Variants in PCDHA8 observed in about 807,000 individuals in gnomAD.
PCDHA8 encodes protocadherin alpha 8, also known as protocadherin alpha-8.
Under a neutral mutation model 61.8 loss-of-function variants are expected in PCDHA8, and 53 were observed. The observed-to-expected ratio is 0.86, with a 90% confidence interval of 0.69 to 1.08. PCDHA8 has a LOEUF of 1.08. Among genes scored for constraint, PCDHA8 ranks in the 50% least tolerant of loss-of-function variants. PCDHA8 has a pLI of 0.00. For synonymous variants in PCDHA8, 618 were observed against 556.6 expected, an observed-to-expected ratio of 1.11 and a Z score of -1.55; for missense variants, 1,293 against 1,245.0, an observed-to-expected ratio of 1.04 and a Z score of -0.58.
In PCDHA8 at chr5:140,870,085, C is replaced by G. The variant is rs200687541; in HGVS notation, c.2394+26370C>G. The stretch of plus-strand genomic sequence containing the variant: ...ACAGGCTACAGATAAGGGGACTCCC[C>G]CAATGGCAGGTCACTGTACAGTCTG... On this transcript the variant is annotated intron_variant, in intron 1 of 3. Coordinates refer to ENST00000531613, the MANE Select transcript of PCDHA8 (RefSeq NM_018911.3). 11 of 1,613,744 alleles carry G rather than the reference C, an allele frequency of 6.8e-6. No individual in the cohort carries two copies. The African/African-American group carries it at 1.3e-4, about 20-fold the overall frequency.
intron 1 of PCDHA8, chr5:140,870,529 G>A (rs2052113654): frequency 6.2e-7 from 1 of 1,614,096 alleles, no homozygotes. Context: ...CATCTTCACA[G>A]TGTCGGCGCG....
In PCDHA8 at chr5:140,940,501, C is replaced by T. The variant is rs542798581; in HGVS notation, c.2395-38448C>T. Among the ~76,000 whole-genome samples, 272 of 152,010 alleles carry T rather than the reference C, an allele frequency of 1.8e-3. 2 individuals are homozygous for T. The highest frequency in any genetic ancestry group is 6.1e-3 in the African/African-American group (254 of 41,464). Reference sequence around the variant, plus strand: ...TTTTTCAAGACAAGTCTTGCTCCGTCGCTCAGGCGTGATCATAGCTCACTG... The same window carrying T: ...TTTTTCAAGACAAGTCTTGCTCCGTTGCTCAGGCGTGATCATAGCTCACTG... On this transcript the variant is annotated intron_variant, in intron 1 of 3. Coordinates refer to ENST00000531613, the MANE Select transcript of PCDHA8 (RefSeq NM_018911.3).
At chr5:140,877,881 G>T (rs782565949) in intron 1 of PCDHA8, 73 of 1,468,602 alleles carry the variant, frequency 5.0e-5, no homozygotes, top group Non-Finnish European at 5.9e-5. Flanking sequence ...TTTCCTTGAA[G>T]AACTTCCGTT....
chr5:140,852,046 T>C, intron 1 of PCDHA8: 1 of 917,334 alleles, frequency 1.1e-6, no homozygotes, highest in South Asian at 5.0e-5. Flanking sequence ...TTTTGTTATG[T>C]GGTTTATATT....
intron 3 of PCDHA8, among the ~76,000 whole-genome samples, chr5:140,995,889 A>G (rs1007675217): frequency 1.3e-5 from 2 of 152,202 alleles, no homozygotes; most frequent in African/African-American, 4.8e-5. Context: ...CTTCAGATTT[A>G]TCAATGTATA....
At chr5:140,961,083 T>C (rs1470868954) in intron 1 of PCDHA8, among the ~76,000 whole-genome samples, 1 of 152,198 alleles carries the variant, frequency 6.6e-6, no homozygotes, top group Non-Finnish European at 1.5e-5. Context: ...ATCAAGTAAT[T>C]GTTGACTTTT....
At chr5:141,004,843 A>G (rs2098184369) in intron 3 of PCDHA8, among the ~76,000 whole-genome samples, 1 of 152,230 alleles carries the variant, frequency 6.6e-6, no homozygotes, top group African/African-American at 2.4e-5. Context: ...CAAAGTCATT[A>G]GTCTCAGAGA....
intron 1 of PCDHA8, chr5:140,876,095 T>G (rs781801828): frequency 6.2e-7 from 1 of 1,613,928 alleles, no homozygotes; most frequent in Admixed American, 1.7e-5. Context: ...ACGCCAAAAC[T>G]CAATTTATTG....
At chr5:140,863,299 G>A (rs868935823) in intron 1 of PCDHA8, 1 of 1,462,780 alleles carries the variant, frequency 6.8e-7, no homozygotes, top group Admixed American at 1.8e-5. Context: ...CCTGATCATC[G>A]CCATCTGCGT....
intron 3 of PCDHA8, among the ~76,000 whole-genome samples, chr5:140,988,382 T>C (rs2097295449): frequency 6.6e-6 from 1 of 152,148 alleles, no homozygotes; most frequent in African/African-American, 2.4e-5. Flanking sequence ...TGAAACTCAT[T>C]GTGTTTGCCA....
At chr5:140,925,826 G>T (rs1284588733) in intron 1 of PCDHA8, among the ~76,000 whole-genome samples, 3 of 152,066 alleles carry the variant, frequency 2.0e-5, no homozygotes, top group Non-Finnish European at 2.9e-5. Flanking sequence ...CTTCTTTGGG[G>T]ACGGGTCGTC....
chr5:140,966,042 G>T (rs1554228004), intron 1 of PCDHA8, among the ~76,000 whole-genome samples: 1 of 152,152 alleles, frequency 6.6e-6, no homozygotes, highest in Admixed American at 6.5e-5. Context: ...AGTTCCCATC[G>T]CCAGTAACCC....
Position 140,858,148 on chromosome 5 carries a change from C to T in PCDHA8, c.2394+14433C>T, listed in dbSNP as rs189442889. The T allele has an allele frequency of 6.1e-4, 978 of 1,597,640 alleles. 22 individuals are homozygous for T. In the East Asian group the frequency reaches 0.021, roughly 34 times the overall value. On this transcript the variant is annotated intron_variant, in intron 1 of 3. Coordinates refer to ENST00000531613, the MANE Select transcript of PCDHA8 (RefSeq NM_018911.3). ...TGGATGTCAACGTGTACCTGATCAT[C>T]GCCATCTGCGCGGTGTCCAGCTTGC...
At chr5:140,885,581 G>A (rs984552337) in intron 1 of PCDHA8, among the ~76,000 whole-genome samples, 5 of 152,098 alleles carry the variant, frequency 3.3e-5, no homozygotes, top group African/African-American at 1.2e-4. Flanking sequence ...ATGTGGAATT[G>A]ATGCATCAAA....
At chr5:140,964,548 G>C (rs1468417797) in intron 1 of PCDHA8, among the ~76,000 whole-genome samples, 1 of 152,102 alleles carries the variant, frequency 6.6e-6, no homozygotes, top group East Asian at 1.9e-4. Context: ...AGATGGCAGC[G>C]ACTTGGAGGG....
chr5:140,927,929 C>G (rs762916391), intron 1 of PCDHA8: 1 of 1,614,208 alleles, frequency 6.2e-7, no homozygotes, highest in Non-Finnish European at 8.5e-7. Flanking sequence ...CTGACTCTTT[C>G]GAACCCAGTA....
At chr5:140,861,734 A>G in intron 1 of PCDHA8, 1 of 190,940 alleles carries the variant, frequency 5.2e-6, no homozygotes, top group Non-Finnish European at 1.1e-5. Flanking sequence ...GATGACTTAC[A>G]TACTGTGCCG....
At chr5:140,967,109 C>T in intron 1 of PCDHA8, 1 of 1,612,966 alleles carries the variant, frequency 6.2e-7, no homozygotes, top group Non-Finnish European at 8.5e-7. Flanking sequence ...TGAGCAGCGG[C>T]CTCGCTGCCT....
At chr5:140,904,560 T>G (rs2071228381) in intron 1 of PCDHA8, among the ~76,000 whole-genome samples, 1 of 152,102 alleles carries the variant, frequency 6.6e-6, no homozygotes, top group African/African-American at 2.4e-5. Flanking sequence ...AATGACTTTT[T>G]TTTCCTCTGG....
Sources: gnomAD v4.1 joint callset for allele counts (sites outside exome capture counted in the v4.1 genomes callset) on GRCh38, gnomAD v4.1.1 for gene constraint, MANE v1.5 for transcripts, NCBI Gene and HGNC (gene_info 2026-07-23, HGNC 2026-07-21) for gene names.